The following FHAD1 variants were observed in gnomAD, a reference collection of about 807,000 sequenced individuals.
FHAD1 encodes forkhead associated phosphopeptide binding domain 1.
FHAD1 carries 146 observed loss-of-function variants against 191.3 expected under a neutral mutation model. The observed-to-expected ratio is 0.76, with a 90% confidence interval of 0.67 to 0.88. FHAD1 has a LOEUF of 0.88. Among genes scored for constraint, FHAD1 ranks in the 40% least tolerant of loss-of-function variants. The pLI is 0.00. For missense variants in FHAD1, 1,635 were observed against 1,785.8 expected (o/e 0.92, Z 1.52); for synonymous variants, 616 against 672.3 (o/e 0.92, Z 1.29).
intron 31 of FHAD1, among the ~76,000 whole-genome samples, chr1:15,385,791 A>G (rs1221837046): frequency 2.0e-5 from 3 of 152,178 alleles, no homozygotes; most frequent in Non-Finnish European, 4.4e-5. Flanking sequence ...AACAGAAAAA[A>G]AGGCATAGTT....
intron 26 of FHAD1, among the ~76,000 whole-genome samples, chr1:15,371,940 C>T (rs1698226562): frequency 6.6e-6 from 1 of 152,238 alleles, no homozygotes; most frequent in Non-Finnish European, 1.5e-5. Flanking sequence ...TATTGAGTAC[C>T]TACTGTGCTC....
chr1:15,345,299 TCCACAGTC>T, intron 17 of FHAD1, 109 bp downstream of exon 17: 1 of 1,336,796 alleles, frequency 7.5e-7, no homozygotes, highest in South Asian at 1.3e-5. Flanking sequence ...GGCTGTGCTG[TCCACAGTC>T]CCCTAGGGAG....
chr1:15,271,990 A>G (rs1424683633), intron 2 of FHAD1, among the ~76,000 whole-genome samples: 2 of 152,240 alleles, frequency 1.3e-5, no homozygotes, highest in Non-Finnish European at 2.9e-5. Context: ...AAAAGAAAAG[A>G]AAATGGCCAA....
intron 33 of FHAD1, among the ~76,000 whole-genome samples, chr1:15,391,743 A>T (rs950269238): frequency 6.6e-6 from 1 of 152,248 alleles, no homozygotes; most frequent in Non-Finnish European, 1.5e-5. Context: ...AAGATATTCT[A>T]TGCAAGGGAC....
chr1:15,308,107 GA>G (rs1671093971), intron 6 of FHAD1, among the ~76,000 whole-genome samples: 1 of 152,222 alleles, frequency 6.6e-6, no homozygotes, highest in South Asian at 2.1e-4. Flanking sequence ...GCATTCCCAG[GA>G]GCCTTCTGTG....
chr1:15,287,845 C>T (rs1663047827), intron 3 of FHAD1, among the ~76,000 whole-genome samples: 1 of 152,068 alleles, frequency 6.6e-6, no homozygotes, highest in South Asian at 2.1e-4. Flanking sequence ...TTCAATGAAA[C>T]CCAGCTGAAG....
intron 27 of FHAD1, among the ~76,000 whole-genome samples, chr1:15,374,848 G>GTTTTTGGTTTTT (rs1699106627): frequency 9.3e-6 from 1 of 107,654 alleles, no homozygotes; most frequent in African/African-American, 5.7e-5. Flanking sequence ...ACTATTGTAC[G>GTTTTTGGTTTTT]TTTTTTTTTT....
In FHAD1 at chr1:15,289,796, G is replaced by A; in HGVS notation, c.568+130G>A. 2 of 1,373,030 alleles carry A rather than the reference G, an allele frequency of 1.5e-6. No individual in the cohort carries two copies. The highest frequency in any genetic ancestry group is 1.9e-6 in the Non-Finnish European group (2 of 1,040,092). The allele number at this position is 1,373,030 out of a possible 1,614,324, so 85.1% of individuals were successfully genotyped here. A position where few individuals can be genotyped will look rare whatever the true frequency, so the allele number is the denominator to read the frequency against. ...TTGTAAAAAATGAAAATAAATTCAG[G>A]ATAAGCAGAAAGTAAGAAAACAGTT... On this transcript the variant is annotated intron_variant, in intron 4 of 33. Transcript: ENST00000688493. The surrounding 1 kb of genome is among the most constrained non-coding windows in gnomAD (Gnocchi z 4.2).
In FHAD1 at chr1:15,374,550, G is replaced by A. The variant is rs1224056073; in HGVS notation, c.3496G>A (p.Glu1166Lys). Reference protein sequence around the residue: ...LGVRCKGSRHEEVIQRQKKAL... With the variant: ...LGVRCKGSRHKEVIQRQKKAL... ...GGTCAGGTGCAAAGGGTCCCGGCAC[G>A]AGGAGGTCATTCAGCGTCAGAAAAA... Residue 1166 changes from glutamate to lysine, a missense_variant, in exon 27 of 34, where the codon GAG becomes AAG. Physicochemically the swap from Glu to Lys is moderately conservative, Grantham distance 56 (BLOSUM62 1). Coordinates refer to ENST00000688493, the MANE Select transcript of FHAD1 (RefSeq NM_001391957.1). 10 of 1,551,638 alleles carry A rather than the reference G, an allele frequency of 6.4e-6. No individual in the cohort carries two copies. Among genetic ancestry groups the A allele is most frequent in the South Asian group, 2.4e-5 (2 of 84,054 alleles).
At chr1:15,285,003 T>G (rs1661937313) in intron 3 of FHAD1, among the ~76,000 whole-genome samples, 1 of 152,238 alleles carries the variant, frequency 6.6e-6, no homozygotes, top group Non-Finnish European at 1.5e-5. Flanking sequence ...CCAGACTTGT[T>G]GATAACTGAC....
chr1:15,313,219 CA>C, intron 8 of FHAD1, 32 bp downstream of exon 8: 1 of 1,547,440 alleles, frequency 6.5e-7, no homozygotes, highest in South Asian at 1.2e-5. Flanking sequence ...ACCTTGTAGC[CA>C]TCCGGTGAAA....
intron 31 of FHAD1, among the ~76,000 whole-genome samples, chr1:15,385,453 T>G (rs1195153676): frequency 6.6e-6 from 1 of 152,170 alleles, no homozygotes; most frequent in Non-Finnish European, 1.5e-5. Context: ...TTTTAACACT[T>G]GAACATCTCT....
chr1:15,277,237 C>A (rs983163390), intron 3 of FHAD1, among the ~76,000 whole-genome samples: 7 of 152,214 alleles, frequency 4.6e-5, no homozygotes, highest in African/African-American at 1.7e-4. Flanking sequence ...CTCATGACAT[C>A]CTGCCCAACA....
At position 15,325,336 on chromosome 1, in the gene FHAD1, T is replaced by C. The variant is rs1367430800; in HGVS notation, c.1473+777T>C. 2 of 151,882 alleles carry C rather than the reference T, an allele frequency of 1.3e-5. No homozygotes were observed. Among genetic ancestry groups the C allele is most frequent in the Non-Finnish European group, 2.9e-5 (2 of 67,934 alleles). 9.4% of individuals were successfully genotyped at this position (151,882 alleles called of 1,614,324 possible). ...GCACACACACGTGTGTGTGCGTGTG[T>C]GTGTGTGTATTACTGGGAAGGAGGG... On this transcript the variant is annotated intron_variant, in intron 11 of 33. Transcript: ENST00000688493. This position sits in a 1 kb window ranked among gnomAD's most constrained non-coding sequence, Gnocchi z 4.6.
intron 4 of FHAD1, 190 bp from the exon 5 acceptor site, chr1:15,296,494 C>G: frequency 1.7e-6 from 1 of 586,876 alleles, no homozygotes; most frequent in Non-Finnish European, 3.2e-6. Context: ...ACTGCATGAT[C>G]CGCCTGCCTT....
intron 4 of FHAD1, among the ~76,000 whole-genome samples, chr1:15,293,642 C>T (rs773463300): frequency 1.4e-4 from 21 of 152,218 alleles, no homozygotes; most frequent in Non-Finnish European, 2.5e-4. Context: ...CGCTTGAACC[C>T]GGGAGGCAGA....
At chr1:15,303,848 C>CAAAAAAAAAAAAAAAAA (rs765601462) in intron 6 of FHAD1, among the ~76,000 whole-genome samples, 3 of 104,436 alleles carry the variant, frequency 2.9e-5, no homozygotes, top group African/African-American at 9.5e-5. Flanking sequence ...GACTCTGTCT[C>CAAAAAAAAAAAAAAAAA]AAAAAAAAAA....
chr1:15,332,863 A>G (rs1038435782), intron 14 of FHAD1, among the ~76,000 whole-genome samples: 5 of 152,218 alleles, frequency 3.3e-5, no homozygotes, highest in Admixed American at 2.0e-4. Flanking sequence ...AACAACATTA[A>G]GCAGGTTTCT....
At chr1:15,364,178 C>T (rs577962893) in intron 23 of FHAD1, 3 of 202,408 alleles carry the variant, frequency 1.5e-5, no homozygotes, top group East Asian at 1.4e-4. Flanking sequence ...TGGACACACA[C>T]GCATGCATGC....
Sources: allele counts gnomAD v4.1 joint callset (sites outside exome capture counted in the v4.1 genomes callset), GRCh38; gene constraint gnomAD v4.1.1; non-coding constraint Gnocchi (gnomAD v3.1); transcripts MANE v1.5; gene names NCBI Gene and HGNC (gene_info 2026-07-23, HGNC 2026-07-21).